Variants in MLXIPL observed in about 807,000 individuals in gnomAD.
MLXIPL encodes the protein MLX interacting protein like, also known as carbohydrate-responsive element-binding protein.
In MLXIPL, 49 loss-of-function variants were observed where a neutral mutation model predicts 81.5. The ratio of observed to expected loss-of-function variants is 0.60; its 90% CI spans 0.48 to 0.76. The LOEUF (loss-of-function observed/expected upper bound fraction) is 0.76, where lower values mean the gene tolerates loss of function less well. MLXIPL is among the 30% of genes least tolerant of loss of function. The pLI, the probability that MLXIPL is intolerant of heterozygous loss-of-function variation, is 0.00. For synonymous variants in MLXIPL, 466 were observed against 485.5 expected, an observed-to-expected ratio of 0.96 and a Z score of 0.53; for missense variants, 1,053 against 1,167.0, an observed-to-expected ratio of 0.90 and a Z score of 1.42.
At chr7:73,640,081 ATAAAG>A in the MLXIPL span, among the ~76,000 whole-genome samples, 15 of 150,492 alleles carry the variant, frequency 1.0e-4, no homozygotes, top group Non-Finnish European at 1.8e-4. Flanking sequence ...ATATAAATAA[ATAAAG>A]TAAAGTAAAA....
In MLXIPL at chr7:73,603,853, A is replaced by G. The variant is rs1795079600; in HGVS notation, c.901+1835T>C. Among the ~76,000 whole-genome samples, 5 of 152,184 alleles carry G rather than the reference A, an allele frequency of 3.3e-5. No homozygotes were observed. The South Asian group carries it at 1.0e-3, about 32-fold the overall frequency. On this transcript the variant is annotated intron_variant, in intron 7 of 16. Coordinates refer to ENST00000313375, the MANE Select transcript of MLXIPL (RefSeq NM_032951.3). ...TACTGACAGGAGCATCTCTGGGAGG[A>G]CACTGAGGAATCAGTAACTTGGTGG...
intron 7 of MLXIPL, among the ~76,000 whole-genome samples, chr7:73,604,211 G>A (rs1795103325): frequency 2.9e-5 from 2 of 69,844 alleles, no homozygotes; most frequent in South Asian, 1.3e-3. Flanking sequence ...GTGAGACTCC[G>A]TCTCAAAAAA....
chr7:73,624,151 CCA>C (rs1796566249), intron 1 of MLXIPL, 47 bp downstream of exon 1: 2 of 1,477,276 alleles, frequency 1.4e-6, no homozygotes, highest in African/African-American at 2.8e-5. Flanking sequence ...GACCCCCCCC[CCA>C]TCCCCACCTG....
intron 1 of MLXIPL, among the ~76,000 whole-genome samples, chr7:73,622,697 C>T (rs1445947687): frequency 6.6e-6 from 1 of 151,540 alleles, no homozygotes; most frequent in African/African-American, 2.4e-5. Flanking sequence ...GTCCTCTCTA[C>T]CCCAGCTATC....
intron 1 of MLXIPL, among the ~76,000 whole-genome samples, chr7:73,617,160 T>C (rs1554600969): frequency 6.6e-6 from 1 of 152,038 alleles, no homozygotes; most frequent in Non-Finnish European, 1.5e-5. Context: ...GGATTACAGT[T>C]GTGCGCCACC....
At chr7:73,641,168 C>A in the MLXIPL span, among the ~76,000 whole-genome samples, 1 of 152,122 alleles carries the variant, frequency 6.6e-6, no homozygotes, top group East Asian at 1.9e-4. Flanking sequence ...GTGGCGAGTG[C>A]CTTAGTCCCA....
chr7:73,629,699 TG>T, the MLXIPL span, among the ~76,000 whole-genome samples: 2 of 152,222 alleles, frequency 1.3e-5, no homozygotes, highest in Non-Finnish European at 2.9e-5. Flanking sequence ...TACTCCAGCC[TG>T]GGTGACAGAG....
chr7:73,632,100 C>T, the MLXIPL span, among the ~76,000 whole-genome samples: 24 of 152,004 alleles, frequency 1.6e-4, no homozygotes, highest in South Asian at 2.5e-3. Context: ...TCAAGCCATC[C>T]TCCTGCCTCA....
the MLXIPL span, among the ~76,000 whole-genome samples, chr7:73,643,994 T>G: frequency 6.6e-6 from 1 of 151,930 alleles, no homozygotes; most frequent in African/African-American, 2.4e-5. Flanking sequence ...GGTCTCAAAG[T>G]CCTGGGCTCA....
Position 73,595,893 on chromosome 7 carries a change from T to A in MLXIPL, c.2135A>T (p.Glu712Val). The change falls in exon 14 of 17, where the codon GAG (glutamate) becomes GTG (valine). Residue 712 changes from glutamate (E) to valine (V), a missense_variant. By Grantham distance (121) the Glu-to-Val change is moderately radical. Around this residue, in one of 3 missense-constraint regions of MLXIPL, gnomAD observed 823 missense variants for 933.0 expected, o/e 0.88. Coordinates refer to ENST00000313375, the MANE Select transcript of MLXIPL (RefSeq NM_032951.3). ...CTCATCCCGCAGCTGCTGGGCCTCC[T>A]CCTGCAAGCCCGCACGCTCCTGCTG... ...MLQQERAGLQ[E>V]EAQQLRDEIE... 1 of 1,612,988 alleles carries A rather than the reference T, an allele frequency of 6.2e-7. No homozygotes were observed.
rs1584114789 is a variant in MLXIPL, at chr7:73,607,339, T to A, written c.565A>T (p.Lys189Ter). The change falls in exon 4 of 17, where the codon AAG becomes TAG. Residue 189 changes from lysine (K) to a stop codon, truncating the protein, a stop_gained. Coordinates refer to ENST00000313375, the MANE Select transcript of MLXIPL (RefSeq NM_032951.3). LOFTEE classifies it high-confidence loss of function. ...REYHKWRIYY[K>*]KRLRKPSRED... ...GGCCCTCCCCCACTGACCCGCTTCT[T>A]GTAGTAGATGCGCCACTTGTGGTAT... The A allele has an allele frequency of 6.4e-7, 1 of 1,564,542 alleles. No individual in the cohort carries two copies. Among genetic ancestry groups the A allele is most frequent in the Non-Finnish European group, 8.7e-7 (1 of 1,154,066 alleles).
chr7:73,624,400 G>C lies in MLXIPL; in HGVS notation c.93C>G (p.Asp31Glu). 1.3e-6 allele frequency: 2 copies of C among 1,566,058 alleles called. No individual in the cohort carries two copies. The highest frequency in any genetic ancestry group is 1.7e-6 in the Non-Finnish European group (2 of 1,162,032). ...CGCCCGCGCTGCGCCGGAGACTCGG[G>C]TCCTCCGAGTCTGTGTCCGAGTCCG... ...PDSDSDTDSEDPSLRRSAGGL... is the reference protein window; with the variant it reads ...PDSDSDTDSEEPSLRRSAGGL... The change falls in exon 1 of 17, where the codon GAC (aspartate) becomes GAG (glutamate). Residue 31 changes from aspartate (D) to glutamate (E), a missense_variant. Transcript: ENST00000313375.
At chr7:73,600,682 A>T (rs1313037040) in intron 7 of MLXIPL, among the ~76,000 whole-genome samples, 1 of 29,310 alleles carries the variant, frequency 3.4e-5, no homozygotes, top group South Asian at 1.4e-3. Flanking sequence ...GGGCTCCGAA[A>T]GGGGTGGGGG....
upstream of MLXIPL, among the ~76,000 whole-genome samples, chr7:73,628,987 C>T (rs187548016): frequency 3.3e-5 from 5 of 152,258 alleles, no homozygotes; most frequent in Non-Finnish European, 4.4e-5. Flanking sequence ...CCACCTATGA[C>T]ATCTTCCCCA....
Position 73,594,371 on chromosome 7 carries a change from G to T in MLXIPL, c.2343C>A (p.Ser781=). The T allele has an allele frequency of 6.2e-7, 1 of 1,607,136 alleles. No individual in the cohort carries two copies. Among genetic ancestry groups the T allele is most frequent in the Non-Finnish European group, 8.5e-7 (1 of 1,179,992 alleles). Residue 781 remains serine, a synonymous_variant, in exon 16 of 17, where the codon TCC becomes TCA. Coordinates refer to ENST00000313375, the MANE Select transcript of MLXIPL (RefSeq NM_032951.3). ...FSILIRPLFE[S]FNGMVSTASV... Reference sequence around the variant, plus strand: ...TTGCCGTGGACACCATCCCGTTGAAGGACTCAAACAGAGGCCGGATGAGGA... The same window carrying T: ...TTGCCGTGGACACCATCCCGTTGAATGACTCAAACAGAGGCCGGATGAGGA...
chr7:73,599,439 G>C (rs544281846), intron 8 of MLXIPL, 87 bp downstream of exon 8: 1 of 1,509,260 alleles, frequency 6.6e-7, no homozygotes, highest in Non-Finnish European at 9.2e-7. Context: ...GGCACTCAGG[G>C]AGTGTCTGAT....
rs782602361 is a variant in MLXIPL, at chr7:73,594,304, G to C, written c.2410C>G (p.Gln804Glu). ...CGGAGAGCGGGCAGAGAGCAGTACT[G>C]GTCCAGCCAGGCCAGTGAGGTCTGG... ...LRQTSLAWLD[Q>E]YCSLPALRPT... The change falls in exon 16 of 17, where the codon CAG becomes GAG. Residue 804 changes from glutamine (Q) to glutamate (E), a missense_variant. Coordinates refer to ENST00000313375, the MANE Select transcript of MLXIPL (RefSeq NM_032951.3). The C allele has an allele frequency of 6.2e-7, 1 of 1,612,140 alleles. No individual in the cohort carries two copies.
chr7:73,636,794 G>T, the MLXIPL span, among the ~76,000 whole-genome samples: 1 of 152,312 alleles, frequency 6.6e-6, no homozygotes, highest in East Asian at 1.9e-4. Context: ...GGGCACGGTG[G>T]CTCACGCCTA....
chr7:73,634,344 C>T, the MLXIPL span, among the ~76,000 whole-genome samples: 13 of 152,020 alleles, frequency 8.6e-5, no homozygotes, highest in African/African-American at 2.4e-4. Context: ...CCAGCCTGGG[C>T]GACGGAGTGA....
Sources: allele counts gnomAD v4.1 joint callset (sites outside exome capture counted in the v4.1 genomes callset), GRCh38; gene constraint gnomAD v4.1.1; regional missense constraint gnomAD v4.1.1; transcripts MANE v1.5; gene names NCBI Gene and HGNC (gene_info 2026-07-23, HGNC 2026-07-21).